The following LMCD1 variants were observed in gnomAD, a reference collection of about 807,000 sequenced individuals.
LMCD1 encodes LIM and cysteine rich domains 1, also known as LIM and cysteine-rich domains protein 1.
LMCD1 carries 32 observed loss-of-function variants against 42.7 expected under a neutral mutation model. That is an observed-to-expected ratio of 0.75 (90% CI 0.57 to 1.01). The LOEUF (loss-of-function observed/expected upper bound fraction) is 1.01, where lower values mean the gene tolerates loss of function less well. LMCD1 is among the 50% of genes least tolerant of loss of function. The probability of loss-of-function intolerance (pLI) is 0.00; values close to 1 mark genes in which losing one functional copy is unlikely to be tolerated. For missense variants in LMCD1, 458 were observed against 483.1 expected (o/e 0.95, Z 0.49); for synonymous variants, 178 against 184.9 (o/e 0.96, Z 0.30).
intron 4 of LMCD1, chr3:8,551,133 T>C: frequency 1.0e-6 from 1 of 985,416 alleles, no homozygotes; most frequent in South Asian, 4.7e-5. Flanking sequence ...TCTATGTCCC[T>C]GCCCCAACCA....
rs528601007 is a variant in LMCD1, at chr3:8,545,416, A to C, written c.388-3152A>C. The stretch of plus-strand genomic sequence containing the variant: ...GTAAGAGCTCATTTAGGCATCTCTC[A>C]GGTATTAGCAAAATTCATATTTCTT... On this transcript the variant is annotated intron_variant, in intron 3 of 5. Transcript: ENST00000157600. Among the ~76,000 whole-genome samples the C allele has an allele frequency of 6.4e-4, 98 of 152,336 alleles. 2 individuals are homozygous for C. The South Asian group carries it at 0.014, about 21-fold the overall frequency.
At chr3:8,528,184 C>G (rs1463434448) in intron 1 of LMCD1, among the ~76,000 whole-genome samples, 1 of 152,144 alleles carries the variant, frequency 6.6e-6, no homozygotes, top group Non-Finnish European at 1.5e-5. Context: ...ACTCACCTTT[C>G]TGCCTTATGT....
intron 1 of LMCD1, 34 bp downstream of exon 1, chr3:8,502,014 C>T: frequency 6.9e-7 from 1 of 1,440,440 alleles, no homozygotes; most frequent in Non-Finnish European, 9.1e-7. Flanking sequence ...TACCCAGATT[C>T]TTACTTTTTC....
intron 1 of LMCD1, among the ~76,000 whole-genome samples, chr3:8,507,161 C>T (rs1366148440): frequency 3.9e-5 from 6 of 152,176 alleles, no homozygotes; most frequent in African/African-American, 1.4e-4. Flanking sequence ...TCCTTAAATC[C>T]ACGTGGAACA....
chr3:8,551,244 G>C (rs1236419938), intron 4 of LMCD1: 2 of 983,918 alleles, frequency 2.0e-6, no homozygotes, highest in Non-Finnish European at 2.4e-6. Flanking sequence ...GATATACATA[G>C]CCATTGCTCA....
chr3:8,523,618 G>C (rs796367966), intron 1 of LMCD1, among the ~76,000 whole-genome samples: 64 of 152,364 alleles, frequency 4.2e-4, no homozygotes, highest in African/African-American at 1.5e-3. Context: ...AGCTTGGGGA[G>C]GTGAGTGAGC....
At chr3:8,550,866 G>C in intron 4 of LMCD1, 1 of 985,156 alleles carries the variant, frequency 1.0e-6, no homozygotes, top group Non-Finnish European at 1.2e-6. Flanking sequence ...ATTCCCAAGA[G>C]ACATGTGGAT....
chr3:8,570,922 C>T lies in LMCD1; in HGVS notation c.*3324C>T, dbSNP rs548989046. 1 of 152,372 alleles carries T rather than the reference C, an allele frequency of 6.6e-6. No individual in the cohort carries two copies. The highest frequency in any genetic ancestry group is 2.1e-4 in the South Asian group (1 of 4,830). 9.4% of individuals were successfully genotyped at this position (152,372 alleles called of 1,614,324 possible). ...CCTGCTTTCCTCACCTCTGTACCATCACTCACGCTGTGCTTTTTGCCTGCA... is the reference window on the plus strand; with the variant it reads ...CCTGCTTTCCTCACCTCTGTACCATTACTCACGCTGTGCTTTTTGCCTGCA... On this transcript the variant is annotated 3_prime_UTR_variant, in exon 6 of 6. Transcript: ENST00000157600.
At chr3:8,550,881 C>G (rs1485177078) in intron 4 of LMCD1, 2 of 985,192 alleles carry the variant, frequency 2.0e-6, no homozygotes, top group Non-Finnish European at 2.4e-6. Flanking sequence ...GTGGATCTGA[C>G]ATCGTGTTTT....
At chr3:8,520,560 A>G (rs1020877057) in intron 1 of LMCD1, among the ~76,000 whole-genome samples, 1 of 152,194 alleles carries the variant, frequency 6.6e-6, no homozygotes, top group Non-Finnish European at 1.5e-5. Flanking sequence ...CCCTCAAGCT[A>G]CTTGGTAAAT....
chr3:8,557,588 T>C (rs1242073888), intron 4 of LMCD1, among the ~76,000 whole-genome samples: 1 of 152,204 alleles, frequency 6.6e-6, no homozygotes. Flanking sequence ...CCAACACAGT[T>C]CAGTCCTTCG....
At chr3:8,519,709 T>C (rs1694162926) in intron 1 of LMCD1, among the ~76,000 whole-genome samples, 1 of 149,832 alleles carries the variant, frequency 6.7e-6, no homozygotes, top group Non-Finnish European at 1.5e-5. Flanking sequence ...CCAAAAAGTG[T>C]ATTTAGTGTT....
intron 4 of LMCD1, among the ~76,000 whole-genome samples, chr3:8,559,540 C>G (rs1468582762): frequency 1.3e-5 from 2 of 152,214 alleles, no homozygotes; most frequent in African/African-American, 2.4e-5. Context: ...GGCAGTCTGA[C>G]TTGGTATCTC....
chr3:8,540,893 T>C (rs1211207305), intron 3 of LMCD1, among the ~76,000 whole-genome samples: 1 of 152,138 alleles, frequency 6.6e-6, no homozygotes, highest in African/African-American at 2.4e-5. Flanking sequence ...GCCCTCTGCT[T>C]CCAGACCCAT....
intron 1 of LMCD1, among the ~76,000 whole-genome samples, chr3:8,523,934 C>T (rs1694249159): frequency 6.6e-6 from 1 of 152,148 alleles, no homozygotes; most frequent in African/African-American, 2.4e-5. Flanking sequence ...AAGTTATGGA[C>T]AGGCAGTTAT....
At chr3:8,534,691 C>T (rs1161547470) in intron 2 of LMCD1, among the ~76,000 whole-genome samples, 1 of 152,224 alleles carries the variant, frequency 6.6e-6, no homozygotes. Flanking sequence ...AACTAATCAT[C>T]ACAGGACAGA....
chr3:8,566,037 T>C (rs950167131), intron 5 of LMCD1, among the ~76,000 whole-genome samples: 4 of 152,190 alleles, frequency 2.6e-5, no homozygotes, highest in Non-Finnish European at 5.9e-5. Context: ...ACTTATAAAA[T>C]AGGGATGAGA....
intron 2 of LMCD1, 38 bp from the exon 3 acceptor site, chr3:8,537,147 G>A (rs1401834871): frequency 6.3e-7 from 1 of 1,589,522 alleles, no homozygotes; most frequent in Admixed American, 1.7e-5. Flanking sequence ...CTTTTTCCTG[G>A]AGGTTAATCT....
At chr3:8,508,271 C>T (rs902215071) in intron 1 of LMCD1, among the ~76,000 whole-genome samples, 6 of 152,182 alleles carry the variant, frequency 3.9e-5, no homozygotes, top group Non-Finnish European at 7.3e-5. Flanking sequence ...TCTAGTCAGC[C>T]TGACCCATGG....
Sources: allele counts gnomAD v4.1 joint callset (sites outside exome capture counted in the v4.1 genomes callset), GRCh38; gene constraint gnomAD v4.1.1; transcripts MANE v1.5; gene names NCBI Gene and HGNC (gene_info 2026-07-23, HGNC 2026-07-21).